Variants in DTNB observed in about 807,000 individuals in gnomAD.
The protein encoded by DTNB is DTN-B.
DTNB carries 63 observed loss-of-function variants against 90.7 expected under a neutral mutation model. That is an observed-to-expected ratio of 0.69 (90% CI 0.57 to 0.86). The LOEUF (loss-of-function observed/expected upper bound fraction) is 0.86, where lower values mean the gene tolerates loss of function less well. Ranked by LOEUF, DTNB falls within the 40% of genes least tolerant of loss-of-function variation. The pLI is 0.00. For synonymous variants in DTNB, 277 were observed against 286.7 expected (o/e 0.97, Z 0.34); for missense variants, 744 against 807.1 (o/e 0.92, Z 0.95).
intron 2 of DTNB, among the ~76,000 whole-genome samples, chr2:25,652,058 A>C (rs1156977232): frequency 6.6e-6 from 1 of 152,246 alleles, no homozygotes; most frequent in East Asian, 1.9e-4. Flanking sequence ...AGGATTGGGA[A>C]CCACCCAACT....
chr2:25,564,437 G>C (rs2058709851), intron 8 of DTNB, among the ~76,000 whole-genome samples: 1 of 152,016 alleles, frequency 6.6e-6, no homozygotes, highest in Non-Finnish European at 1.5e-5. Context: ...ATGGAGCACA[G>C]TGGTGCGATC....
At chr2:25,663,515 A>G (rs2083702997) in intron 1 of DTNB, among the ~76,000 whole-genome samples, 1 of 152,140 alleles carries the variant, frequency 6.6e-6, no homozygotes, top group Non-Finnish European at 1.5e-5. Context: ...TGAACAATAT[A>G]TTATTCTTTA....
intron 15 of DTNB, among the ~76,000 whole-genome samples, chr2:25,426,425 A>G (rs892819051): frequency 7.2e-5 from 11 of 152,218 alleles, no homozygotes; most frequent in African/African-American, 2.7e-4. Flanking sequence ...TAACTTCATA[A>G]TCCATTCTAC....
rs186181393 is a variant in DTNB at position 25,536,599 on chromosome 2, G to T, written c.877-5002C>A. On this transcript the variant is annotated intron_variant, in intron 8 of 20. Transcript: ENST00000406818. ...TGCCTGGAATCCCAGGCACTCAGCA[G>T]GCCGAGGCAAGAGAATCACCGGAGC... Among the ~76,000 whole-genome samples, 957 of 152,194 alleles carry T rather than the reference G, an allele frequency of 6.3e-3. 12 individuals are homozygous for T. Among genetic ancestry groups the T allele is most frequent in the Middle Eastern group, 0.02 (6 of 294 alleles).
At chr2:25,560,165 C>T (rs1369054700) in intron 8 of DTNB, among the ~76,000 whole-genome samples, 1 of 152,268 alleles carries the variant, frequency 6.6e-6, no homozygotes, top group Non-Finnish European at 1.5e-5. Flanking sequence ...AAGAGAATAG[C>T]TTGAACCTGG....
intron 10 of DTNB, among the ~76,000 whole-genome samples, chr2:25,460,586 C>T (rs748820317): frequency 1.3e-5 from 2 of 151,962 alleles, no homozygotes; most frequent in African/African-American, 2.4e-5. Context: ...GCATGATATC[C>T]GGAGGCCACG....
intron 9 of DTNB, among the ~76,000 whole-genome samples, chr2:25,496,672 A>G (rs998680748): frequency 6.6e-6 from 1 of 151,974 alleles, no homozygotes; most frequent in African/African-American, 2.4e-5. Context: ...GTAAAGCCCT[A>G]TCTCTACTAA....
chr2:25,559,634 C>A (rs1024240385), intron 8 of DTNB, among the ~76,000 whole-genome samples: 12 of 152,250 alleles, frequency 7.9e-5, no homozygotes, highest in African/African-American at 2.6e-4. Context: ...TGACGGCCCC[C>A]CAAAAGATAT....
In DTNB at chr2:25,596,214, T is replaced by C. The variant is rs371034857; in HGVS notation, c.475A>G (p.Asn159Asp). Residue 159 changes from asparagine (N) to aspartate (D), a missense_variant, in exon 6 of 21, where the codon AAT becomes GAT. Coordinates refer to ENST00000406818, the MANE Select transcript of DTNB (RefSeq NM_021907.5). ...RYVFSQMSDSNGLMIFSKFDQ... is the reference protein window; with the variant it reads ...RYVFSQMSDSDGLMIFSKFDQ... Reference sequence around the variant, plus strand: ...AACTTGCTAAATATCATTAAGCCATTGGAATCTGACATCTGGGAGAAAACA... The same window carrying C: ...AACTTGCTAAATATCATTAAGCCATCGGAATCTGACATCTGGGAGAAAACA... The C allele has an allele frequency of 2.5e-6, 4 of 1,610,686 alleles. No individual in the cohort carries two copies. The East Asian group carries it at 6.7e-5, about 27-fold the overall frequency.
intron 10 of DTNB, among the ~76,000 whole-genome samples, chr2:25,475,476 C>T (rs972731149): frequency 1.3e-5 from 2 of 152,228 alleles, no homozygotes; most frequent in African/African-American, 2.4e-5. Context: ...AAGGAAAGAA[C>T]CATCTCCATA....
At position 25,612,790 on chromosome 2, in the gene DTNB, T is replaced by A. The variant is rs558542735; in HGVS notation, c.363-5469A>T. Reference sequence around the variant, plus strand: ...AATAAAGATTATTTAAAAACCTTTATGTCCATGAATTCAACAACTTGAATG... The same window carrying A: ...AATAAAGATTATTTAAAAACCTTTAAGTCCATGAATTCAACAACTTGAATG... On this transcript the variant is annotated intron_variant, in intron 4 of 20. Transcript: ENST00000406818. Among the ~76,000 whole-genome samples, 7 of 152,300 alleles carry A rather than the reference T, an allele frequency of 4.6e-5. No homozygotes were observed. The East Asian group carries it at 1.3e-3, about 29-fold the overall frequency.
intron 2 of DTNB, among the ~76,000 whole-genome samples, chr2:25,650,744 T>G (rs1181071578): frequency 1.3e-5 from 2 of 152,192 alleles, no homozygotes; most frequent in Non-Finnish European, 2.9e-5. Context: ...GCGGATCACT[T>G]GAGGTCAGGA....
chr2:25,630,941 C>T (rs995210047), intron 3 of DTNB, among the ~76,000 whole-genome samples: 1 of 146,764 alleles, frequency 6.8e-6, no homozygotes, highest in South Asian at 2.2e-4. Flanking sequence ...AGATACCAGA[C>T]AGTTAAAAAT....
At chr2:25,501,621 C>T (rs746983144) in intron 9 of DTNB, among the ~76,000 whole-genome samples, 1 of 152,186 alleles carries the variant, frequency 6.6e-6, no homozygotes, top group Non-Finnish European at 1.5e-5. Context: ...AAGAGATCAG[C>T]CTTGGCCTCC....
Position 25,388,313 on chromosome 2 carries a change from G to A in DTNB, c.1624C>T (p.Arg542Trp), listed in dbSNP as rs368045228. ...PHTSPTHGGG[R>W]PMPMPVRSTS... ...GAGCGCACTGGCATGGGCATTGGCC[G>A]GCCGCCTCCATGGGTGGGCGATGTA... Residue 542 changes from arginine (R) to tryptophan (W), a missense_variant, in exon 17 of 21, where the codon CGG (arginine) becomes TGG (tryptophan). By Grantham distance (101) the Arg-to-Trp change is moderately radical. Coordinates refer to ENST00000406818, the MANE Select transcript of DTNB (RefSeq NM_021907.5). 2.2e-5 allele frequency: 35 copies of A among 1,613,288 alleles called. No individual in the cohort carries two copies. The African/African-American group carries it at 2.5e-4, about 12-fold the overall frequency.
chr2:25,386,567 C>T (rs145395877), intron 18 of DTNB, among the ~76,000 whole-genome samples: 47 of 152,260 alleles, frequency 3.1e-4, no homozygotes, highest in African/African-American at 9.1e-4. Flanking sequence ...CTGGCCCCTA[C>T]GTAACTGGTA....
At chr2:25,456,285 G>A (rs1034519742) in intron 10 of DTNB, among the ~76,000 whole-genome samples, 4 of 152,156 alleles carry the variant, frequency 2.6e-5, no homozygotes, top group South Asian at 2.1e-4. Context: ...GTGCAGGGAC[G>A]AGTGGCTAAA....
intron 10 of DTNB, chr2:25,481,942 T>C (rs2065052596): frequency 6.6e-6 from 1 of 152,226 alleles, no homozygotes; most frequent in African/African-American, 2.4e-5. Context: ...GCACTATGTA[T>C]TATATAGTCA....
At chr2:25,571,977 A>G (rs2059940666) in intron 8 of DTNB, among the ~76,000 whole-genome samples, 1 of 152,080 alleles carries the variant, frequency 6.6e-6, no homozygotes, top group African/African-American at 2.4e-5. Flanking sequence ...TGAAACTTCA[A>G]TCTTCAGGTA....
Sources: allele counts gnomAD v4.1 joint callset (sites outside exome capture counted in the v4.1 genomes callset), GRCh38; gene constraint gnomAD v4.1.1; transcripts MANE v1.5; gene names NCBI Gene and HGNC (gene_info 2026-07-23, HGNC 2026-07-21).